The following MBOAT2 variants were observed in gnomAD, a reference collection of about 807,000 sequenced individuals.
The protein encoded by MBOAT2 is membrane bound glycerophospholipid O-acyltransferase 2.
Under a neutral mutation model 63.4 loss-of-function variants are expected in MBOAT2, and 28 were observed. The ratio of observed to expected loss-of-function variants is 0.44; its 90% CI spans 0.33 to 0.61. The LOEUF (loss-of-function observed/expected upper bound fraction) is 0.61. Among genes scored for constraint, MBOAT2 ranks in the 20% least tolerant of loss-of-function variants. The pLI, the probability that MBOAT2 is intolerant of heterozygous loss-of-function variation, is 0.03. For missense variants in MBOAT2, 470 were observed against 605.8 expected, an observed-to-expected ratio of 0.78 and a Z score of 2.35; for synonymous variants, 211 against 215.6, an observed-to-expected ratio of 0.98 and a Z score of 0.19.
intron 1 of MBOAT2, among the ~76,000 whole-genome samples, chr2:8,994,944 C>T (rs1425571934): frequency 1.3e-5 from 2 of 152,220 alleles, no homozygotes; most frequent in Non-Finnish European, 2.9e-5. Context: ...TATGCAAGTA[C>T]TTTAAGCAGC....
intron 4 of MBOAT2, among the ~76,000 whole-genome samples, chr2:8,898,722 T>C (rs1260019624): frequency 2.0e-5 from 3 of 152,156 alleles, no homozygotes; most frequent in Non-Finnish European, 4.4e-5. Context: ...TCCACGTAAG[T>C]TGGGACGTGT....
At chr2:8,974,903 A>G (rs1670711683) in intron 1 of MBOAT2, among the ~76,000 whole-genome samples, 1 of 152,182 alleles carries the variant, frequency 6.6e-6, no homozygotes, top group Admixed American at 6.5e-5. Context: ...TTTCTAGGCC[A>G]TTGCCACAGA....
At chr2:9,001,685 T>C (rs1383691987) in intron 1 of MBOAT2, among the ~76,000 whole-genome samples, 3 of 152,250 alleles carry the variant, frequency 2.0e-5, no homozygotes, top group African/African-American at 7.2e-5. Flanking sequence ...TTCTCCTGCT[T>C]ACTTCAGTAC....
intron 3 of MBOAT2, among the ~76,000 whole-genome samples, chr2:8,933,005 TTTCAC>T (rs1667430410): frequency 6.6e-6 from 1 of 152,224 alleles, no homozygotes; most frequent in Admixed American, 6.5e-5. Flanking sequence ...AAAATACCCC[TTTCAC>T]TCATGCTTCT....
intron 7 of MBOAT2, among the ~76,000 whole-genome samples, chr2:8,874,842 A>C (rs1662589698): frequency 6.6e-6 from 1 of 152,188 alleles, no homozygotes; most frequent in Non-Finnish European, 1.5e-5. Context: ...AAGATGACAC[A>C]TCATAGCCTT....
chr2:8,972,212 C>T (rs1360076695), intron 1 of MBOAT2, among the ~76,000 whole-genome samples: 1 of 152,050 alleles, frequency 6.6e-6, no homozygotes, highest in Non-Finnish European at 1.5e-5. Flanking sequence ...GAAATAATAC[C>T]ACACATCTAC....
chr2:8,941,288 T>C (rs1668036349), intron 3 of MBOAT2, among the ~76,000 whole-genome samples: 1 of 152,182 alleles, frequency 6.6e-6, no homozygotes, highest in Non-Finnish European at 1.5e-5. Context: ...TAGTGTCAAA[T>C]TACAACACCA....
At chr2:8,969,591 C>G (rs921396267) in intron 1 of MBOAT2, among the ~76,000 whole-genome samples, 32 of 152,202 alleles carry the variant, frequency 2.1e-4, no homozygotes, top group African/African-American at 7.7e-4. Flanking sequence ...TGGACAGAGT[C>G]AAGACCCACC....
At chr2:8,986,083 C>T (rs766259740) in intron 1 of MBOAT2, among the ~76,000 whole-genome samples, 15 of 151,910 alleles carry the variant, frequency 9.9e-5, no homozygotes, top group Non-Finnish European at 5.9e-5. Flanking sequence ...AACAACACTT[C>T]ATCTTTGTGG....
chr2:8,888,716 A>T (rs1663753709), intron 4 of MBOAT2, among the ~76,000 whole-genome samples: 1 of 152,204 alleles, frequency 6.6e-6, no homozygotes, highest in African/African-American at 2.4e-5. Context: ...AGATGACATT[A>T]GCTTACAGAC....
Position 8,885,491 on chromosome 2 carries a change from C to G in MBOAT2, c.451+2527G>C, listed in dbSNP as rs369676139. ...ACACTTTTCTCAAGTATTTCATATACGAGATATTCAACCTGTACAAACATT... is the reference window on the plus strand; with the variant it reads ...ACACTTTTCTCAAGTATTTCATATAGGAGATATTCAACCTGTACAAACATT... On this transcript the variant is annotated intron_variant, in intron 5 of 12. Coordinates refer to ENST00000305997, the MANE Select transcript of MBOAT2 (RefSeq NM_138799.4). Among the ~76,000 whole-genome samples, 50 of 152,168 alleles carry G rather than the reference C, an allele frequency of 3.3e-4. 1 individual carries two copies. The highest frequency in any genetic ancestry group is 1.2e-3 in the African/African-American group (50 of 41,508).
At chr2:8,863,687 T>C (rs775721975) in intron 10 of MBOAT2, among the ~76,000 whole-genome samples, 5 of 152,224 alleles carry the variant, frequency 3.3e-5, no homozygotes, top group Non-Finnish European at 7.3e-5. Flanking sequence ...TTTAATAAAA[T>C]TGTGAACTCT....
intron 3 of MBOAT2, among the ~76,000 whole-genome samples, chr2:8,912,343 GAAAGAA>G (rs1665798394): frequency 1.6e-4 from 14 of 86,364 alleles, no homozygotes; most frequent in African/African-American, 5.8e-4. Context: ...AAGAAAGAAA[GAAAGAA>G]AGAGAAAGAA....
At chr2:8,980,586 G>C (rs1428042992) in intron 1 of MBOAT2, among the ~76,000 whole-genome samples, 1 of 151,982 alleles carries the variant, frequency 6.6e-6, no homozygotes, top group Non-Finnish European at 1.5e-5. Context: ...ACTGGGAGAG[G>C]TCCAATACAA....
At chr2:8,916,817 C>T (rs775786965) in intron 3 of MBOAT2, among the ~76,000 whole-genome samples, 1 of 152,116 alleles carries the variant, frequency 6.6e-6, no homozygotes, top group Non-Finnish European at 1.5e-5. Context: ...TTATATTTTC[C>T]AAGACTGTTT....
intron 1 of MBOAT2, among the ~76,000 whole-genome samples, chr2:9,000,708 G>A (rs187858095): frequency 6.6e-6 from 1 of 152,346 alleles, no homozygotes; most frequent in Non-Finnish European, 1.5e-5. Context: ...CTAGGAGGGT[G>A]AGTGACCAGC....
At chr2:9,002,409 T>C in intron 1 of MBOAT2, among the ~76,000 whole-genome samples, 1 of 152,214 alleles carries the variant, frequency 6.6e-6, no homozygotes, top group East Asian at 1.9e-4. Flanking sequence ...GAAAGCCGTC[T>C]GGACAAGAAG....
intron 3 of MBOAT2, among the ~76,000 whole-genome samples, chr2:8,921,905 A>C (rs1172691450): frequency 6.6e-6 from 1 of 152,128 alleles, no homozygotes; most frequent in Non-Finnish European, 1.5e-5. Context: ...TCCACAGATT[A>C]ATGTTTTACA....
intron 1 of MBOAT2, among the ~76,000 whole-genome samples, chr2:8,995,816 C>G (rs1028916369): frequency 3.3e-5 from 5 of 152,180 alleles, no homozygotes; most frequent in African/African-American, 7.2e-5. Context: ...TGGTCTCGAT[C>G]TCCTGACCTT....
Sources: gnomAD v4.1 joint callset for allele counts (sites outside exome capture counted in the v4.1 genomes callset) on GRCh38, gnomAD v4.1.1 for gene constraint, MANE v1.5 for transcripts, NCBI Gene and HGNC (gene_info 2026-07-23, HGNC 2026-07-21) for gene names.